Variants in AP2A2 observed in about 807,000 individuals in gnomAD.
The protein encoded by AP2A2 is AP-2 complex subunit alpha-2.
In AP2A2, 32 loss-of-function variants were observed where a neutral mutation model predicts 104.2. The ratio of observed to expected loss-of-function variants is 0.31; its 90% CI spans 0.23 to 0.41. The LOEUF is 0.41. Ranked by LOEUF, AP2A2 falls within the 10% of genes least tolerant of loss-of-function variation. The pLI is 1.00. For missense variants in AP2A2, 912 were observed against 1,261.0 expected, an observed-to-expected ratio of 0.72 and a Z score of 4.19; for synonymous variants, 539 against 533.3, an observed-to-expected ratio of 1.01 and a Z score of -0.15.
intron 1 of AP2A2, chr11:932,660 A>T (rs1853328071): frequency 2.2e-6 from 1 of 455,638 alleles, no homozygotes; most frequent in Admixed American, 2.4e-5. Context: ...CATGGTGGCT[A>T]TGGAGAGAAG....
chr11:1,008,303 C>T (rs962261155), intron 18 of AP2A2, 168 bp downstream of exon 18: 8 of 1,068,386 alleles, frequency 7.5e-6, no homozygotes, highest in Admixed American at 3.5e-5. Context: ...CTCTGCAGAG[C>T]GCAGGAAACA....
In AP2A2 at chr11:968,330, C is replaced by T. The variant is rs937819281; in HGVS notation, c.137-1839C>T. ...CTTCTAAAGGTGGGCCTAAGTTTCC[C>T]AGCACCCGGGAGCTCTAGAGCAGCT... On this transcript the variant is annotated intron_variant, in intron 2 of 21. Transcript: ENST00000448903. The surrounding 1 kb of genome is among the most constrained non-coding windows in gnomAD (Gnocchi z 4.2). Among the ~76,000 whole-genome samples the T allele has an allele frequency of 2.0e-5, 3 of 152,134 alleles. No homozygotes were observed. The highest frequency in any genetic ancestry group is 4.4e-5 in the Non-Finnish European group (3 of 68,018).
At chr11:960,955 G>A (rs367604035) in intron 2 of AP2A2, among the ~76,000 whole-genome samples, 3 of 152,272 alleles carry the variant, frequency 2.0e-5, no homozygotes, top group Admixed American at 6.5e-5. Flanking sequence ...CTCTGCGCCC[G>A]GTGTGCACCT....
At position 993,635 on chromosome 11, in the gene AP2A2, CCCGA is replaced by C. The variant is rs1855738792; in HGVS notation, c.1551-116_1551-113del. On this transcript the variant is annotated intron_variant, in intron 12 of 21. Transcript: ENST00000448903. This position sits in a 1 kb window ranked among gnomAD's most constrained non-coding sequence, Gnocchi z 8.2. ...GTGGGATCTGGAGCTGGAAGAGGGT[CCCGA>C]CCAGCGGCCTCTGGTGCAGGCCAGG... is the stretch of plus-strand genomic sequence containing the variant. 1 of 769,614 alleles carries C rather than the reference CCCGA, an allele frequency of 1.3e-6. No individual in the cohort carries two copies. Among genetic ancestry groups the C allele is most frequent in the Admixed American group, 2.5e-5 (1 of 39,406 alleles). The allele number at this position is 769,614 out of a possible 1,614,324, so 47.7% of individuals were successfully genotyped here.
At chr11:938,903 C>T (rs1434281133) in intron 1 of AP2A2, among the ~76,000 whole-genome samples, 1 of 152,108 alleles carries the variant, frequency 6.6e-6, no homozygotes, top group Non-Finnish European at 1.5e-5. Flanking sequence ...ATTCTTGTGA[C>T]TTTCTTGTCT....
intron 2 of AP2A2, among the ~76,000 whole-genome samples, chr11:969,648 C>T (rs1451632963): frequency 6.6e-6 from 1 of 152,202 alleles, no homozygotes; most frequent in Non-Finnish European, 1.5e-5. Context: ...TGCGATGAGG[C>T]AGAGAAACAG....
intron 1 of AP2A2, among the ~76,000 whole-genome samples, chr11:935,533 C>T (rs1853424071): frequency 6.6e-6 from 1 of 151,338 alleles, no homozygotes; most frequent in African/African-American, 2.4e-5. Flanking sequence ...AACTCCTGAC[C>T]TCAAGTGATG....
At chr11:940,502 C>G (rs958504005) in intron 1 of AP2A2, among the ~76,000 whole-genome samples, 2 of 152,186 alleles carry the variant, frequency 1.3e-5, no homozygotes, top group Admixed American at 1.3e-4. Flanking sequence ...AGTTTGTCCT[C>G]TAGCCCTTGT....
At chr11:965,484 G>A (rs1376831849) in intron 2 of AP2A2, among the ~76,000 whole-genome samples, 6 of 152,242 alleles carry the variant, frequency 3.9e-5, no homozygotes. Context: ...GTTGTTAGGT[G>A]TGACCATCTG....
Position 926,013 on chromosome 11 carries a change from C to A in AP2A2, c.-9C>A. ...TCCGCCAGCCGAGGCCGCTCCCGAG[C>A]GTCGGAAGATGCCGGCCGTGTCCAA... On this transcript the variant is annotated 5_prime_UTR_variant, in exon 1 of 22. Transcript: ENST00000448903. The A allele has an allele frequency of 7.1e-7, 1 of 1,406,962 alleles. No individual in the cohort carries two copies. Among genetic ancestry groups the A allele is most frequent in the Non-Finnish European group, 9.4e-7 (1 of 1,067,688 alleles). The allele number at this position is 1,406,962 out of a possible 1,614,324, so 87.2% of individuals were successfully genotyped here.
chr11:1,008,186 T>C, intron 18 of AP2A2, 51 bp downstream of exon 18: 1 of 1,539,000 alleles, frequency 6.5e-7, no homozygotes, highest in Non-Finnish European at 8.7e-7. Context: ...GCGCCTGAGC[T>C]GTGTGCCTGG....
At position 967,403 on chromosome 11, in the gene AP2A2, C is replaced by T. The variant is rs552008708; in HGVS notation, c.137-2766C>T. 2.0e-4 allele frequency among the ~76,000 whole-genome samples: 31 copies of T among 151,906 alleles called. No individual in the cohort carries two copies. In the East Asian group the frequency reaches 6.0e-3, roughly 30 times the overall value. On this transcript the variant is annotated intron_variant, in intron 2 of 21. Coordinates refer to ENST00000448903, the MANE Select transcript of AP2A2 (RefSeq NM_012305.4). Reference sequence around the variant, plus strand: ...TTGAGATGGAGTCTCGCTCTGTCACCCAGGCTGGAGTGCAGTGGCGCGATC... The same window carrying T: ...TTGAGATGGAGTCTCGCTCTGTCACTCAGGCTGGAGTGCAGTGGCGCGATC...
At chr11:976,943 C>T (rs1855061933) in intron 4 of AP2A2, among the ~76,000 whole-genome samples, 152 bp from the exon 5 acceptor site, 2 of 152,156 alleles carry the variant, frequency 1.3e-5, no homozygotes, top group South Asian at 2.1e-4. Context: ...TGCTGCTGCC[C>T]CCTAGGCGGC....
chr11:926,531 A>G (rs1853127146), intron 1 of AP2A2, among the ~76,000 whole-genome samples: 2 of 152,134 alleles, frequency 1.3e-5, no homozygotes, highest in Admixed American at 6.5e-5. Flanking sequence ...CCTCCCCAGC[A>G]TGATGTCACC....
intron 16 of AP2A2, among the ~76,000 whole-genome samples, chr11:1,005,400 G>A (rs1395959955): frequency 3.3e-5 from 5 of 152,242 alleles, no homozygotes; most frequent in Non-Finnish European, 7.3e-5. Flanking sequence ...AGAACGTTCT[G>A]GAGATGGTGG....
At chr11:938,414 T>G (rs1423032786) in intron 1 of AP2A2, among the ~76,000 whole-genome samples, 2 of 152,130 alleles carry the variant, frequency 1.3e-5, no homozygotes, top group Non-Finnish European at 2.9e-5. Context: ...TCTAGAACAT[T>G]TATGAGGTAA....
In AP2A2 at chr11:993,427, C is replaced by A; in HGVS notation, c.1550+46C>A. On this transcript the variant is annotated intron_variant, in intron 12 of 21. Coordinates refer to ENST00000448903, the MANE Select transcript of AP2A2 (RefSeq NM_012305.4). The surrounding 1 kb of genome is among the most constrained non-coding windows in gnomAD (Gnocchi z 8.2). ...CGGGGCTGTGTGCGCTCCGGCGGGC[C>A]TCTCGGTGGTCGGTGGCAAGAGGCG... 2 of 1,468,596 alleles carry A rather than the reference C, an allele frequency of 1.4e-6. No individual in the cohort carries two copies. The highest frequency in any genetic ancestry group is 1.4e-5 in the African/African-American group (1 of 70,396). 91.0% of individuals were successfully genotyped at this position (1,468,596 alleles called of 1,614,324 possible). A position where few individuals can be genotyped will look rare whatever the true frequency, so the allele number is the denominator to read the frequency against.
At chr11:939,634 G>A (rs772823768) in intron 1 of AP2A2, among the ~76,000 whole-genome samples, 12 of 151,932 alleles carry the variant, frequency 7.9e-5, no homozygotes, top group South Asian at 2.1e-4. Context: ...TATTAGAGAC[G>A]GAGTTTCACC....
intron 4 of AP2A2, among the ~76,000 whole-genome samples, chr11:976,837 G>A (rs1855057246): frequency 6.6e-6 from 1 of 152,238 alleles, no homozygotes; most frequent in Non-Finnish European, 1.5e-5. Context: ...AACAACAAAT[G>A]AGCAATGTGA....
Sources: gnomAD v4.1 joint callset for allele counts (sites outside exome capture counted in the v4.1 genomes callset) on GRCh38, gnomAD v4.1.1 for gene constraint, Gnocchi (gnomAD v3.1) non-coding constraint, MANE v1.5 for transcripts, NCBI Gene and HGNC (gene_info 2026-07-23, HGNC 2026-07-21) for gene names.